Variants in FKBP5 observed in about 807,000 individuals in gnomAD.
FKBP5 encodes FKBP prolyl isomerase 5.
Under a neutral mutation model 50.5 loss-of-function variants are expected in FKBP5, and 23 were observed. That is an observed-to-expected ratio of 0.46 (90% confidence interval 0.33 to 0.65). The LOEUF is 0.65. Among genes scored for constraint, FKBP5 ranks in the 30% least tolerant of loss-of-function variants. The probability of loss-of-function intolerance (pLI) is 0.02; values close to 1 mark genes in which losing one functional copy is unlikely to be tolerated. For synonymous variants in FKBP5, 176 were observed against 190.6 expected (o/e 0.92, Z 0.63); for missense variants, 411 against 553.1 (o/e 0.74, Z 2.58).
intron 2 of FKBP5, among the ~76,000 whole-genome samples, chr6:35,705,898 C>A (rs1766304623): frequency 6.6e-6 from 1 of 152,014 alleles, no homozygotes; most frequent in Non-Finnish European, 1.5e-5. Context: ...TCACTTGAGG[C>A]CAGGAGTTAG....
At chr6:35,616,097 A>G (rs945384533) in intron 5 of FKBP5, among the ~76,000 whole-genome samples, 7 of 152,080 alleles carry the variant, frequency 4.6e-5, no homozygotes, top group African/African-American at 1.7e-4. Context: ...TGTATCACCC[A>G]AGGTCAGGAG....
intron 5 of FKBP5, among the ~76,000 whole-genome samples, chr6:35,606,919 A>AT (rs1349271759): frequency 5.9e-5 from 9 of 152,226 alleles, no homozygotes; most frequent in African/African-American, 2.2e-4. Flanking sequence ...TTACACTGAC[A>AT]TGTTTACTGC....
chr6:35,683,691 C>G (rs1765745142), intron 1 of FKBP5, among the ~76,000 whole-genome samples: 1 of 136,506 alleles, frequency 7.3e-6, no homozygotes, highest in Non-Finnish European at 1.5e-5. Flanking sequence ...GTTGGCCAGG[C>G]TGGTCTCCAA....
intron 1 of FKBP5, among the ~76,000 whole-genome samples, chr6:35,649,027 G>A (rs1437943454): frequency 2.6e-5 from 4 of 152,028 alleles, no homozygotes; most frequent in East Asian, 1.9e-4. Context: ...CAAGGCAGAC[G>A]GATCACAAAG....
chr6:35,578,250 A>C (rs1187344059), intron 9 of FKBP5, among the ~76,000 whole-genome samples: 1 of 152,048 alleles, frequency 6.6e-6, no homozygotes, highest in Non-Finnish European at 1.5e-5. Flanking sequence ...CAGTGGCTCA[A>C]TCACAGCTCA....
At chr6:35,583,289 T>C in intron 8 of FKBP5, 1 of 985,344 alleles carries the variant, frequency 1.0e-6, no homozygotes, top group Non-Finnish European at 1.2e-6. Flanking sequence ...CCTAATATAT[T>C]GTATAGGGAA....
At chr6:35,695,506 T>A (rs974179150) in intron 2 of FKBP5, among the ~76,000 whole-genome samples, 11 of 152,212 alleles carry the variant, frequency 7.2e-5, no homozygotes, top group African/African-American at 2.6e-4. Context: ...GGAGGTTCTA[T>A]CCAGGGCAAT....
chr6:35,664,711 C>T (rs1765167227), intron 1 of FKBP5: 1 of 154,170 alleles, frequency 6.5e-6, no homozygotes, highest in South Asian at 2.0e-4. Flanking sequence ...TACCAGAACT[C>T]ATCCACTCTT....
intron 5 of FKBP5, 57 bp downstream of exon 5, chr6:35,619,039 C>T (rs973837911): frequency 1.4e-5 from 16 of 1,121,964 alleles, no homozygotes; most frequent in Non-Finnish European, 1.9e-5. Context: ...GTCTCCATTT[C>T]GTCCACATAA....
In FKBP5 at chr6:35,574,507, C is replaced by T. The variant is rs866356905; in HGVS notation, c.*1328G>A. ...TACATGTACACATTTAAGACTTGCC[C>T]TAGTTCAATGGTCAGCTCAAGTACT... On this transcript the variant is annotated 3_prime_UTR_variant, in exon 11 of 11. Coordinates refer to ENST00000357266, the MANE Select transcript of FKBP5 (RefSeq NM_004117.4). 1 of 152,162 alleles carries T rather than the reference C, an allele frequency of 6.6e-6. No homozygotes were observed. The highest frequency in any genetic ancestry group is 6.5e-5 in the Admixed American group (1 of 15,270). The allele number at this position is 152,162 out of a possible 1,614,324, so 9.4% of individuals were successfully genotyped here. A position where few individuals can be genotyped will look rare whatever the true frequency, so the allele number is the denominator to read the frequency against.
At chr6:35,584,034 A>G (rs1762526808) in intron 8 of FKBP5, 1 of 985,436 alleles carries the variant, frequency 1.0e-6, no homozygotes, top group Non-Finnish European at 1.2e-6. Context: ...CAGTGTTCTT[A>G]GCCTTCTTGC....
chr6:35,691,116 G>C (rs1765979772), upstream of FKBP5, among the ~76,000 whole-genome samples: 1 of 152,132 alleles, frequency 6.6e-6, no homozygotes, highest in South Asian at 2.1e-4. Flanking sequence ...GCTTCATTAG[G>C]AGACAGTGAC....
At chr6:35,623,867 C>A (rs766711746) in intron 3 of FKBP5, among the ~76,000 whole-genome samples, 6 of 151,896 alleles carry the variant, frequency 4.0e-5, no homozygotes, top group South Asian at 2.1e-4. Flanking sequence ...CAGGTGAATA[C>A]CACCATGATT....
chr6:35,688,753 C>A (rs1056616403), intron 1 of FKBP5, 51 bp downstream of exon 1: 1 of 150,606 alleles, frequency 6.6e-6, no homozygotes, highest in Non-Finnish European at 1.5e-5. Flanking sequence ...GCGTTCGGCT[C>A]CCGGGGCGCC....
At chr6:35,640,599 C>T (rs555868752) in intron 2 of FKBP5, among the ~76,000 whole-genome samples, 1 of 152,228 alleles carries the variant, frequency 6.6e-6, no homozygotes, top group African/African-American at 2.4e-5. Context: ...ATAAATCAAT[C>T]TTAGCTTACT....
chr6:35,598,601 T>G (rs1020327538), intron 5 of FKBP5, among the ~76,000 whole-genome samples: 1 of 152,200 alleles, frequency 6.6e-6, no homozygotes, highest in Non-Finnish European at 1.5e-5. Flanking sequence ...CTATTTTAAG[T>G]TTTTGATGTA....
intron 8 of FKBP5, chr6:35,580,688 C>T (rs1224640394): frequency 4.3e-5 from 9 of 207,250 alleles, no homozygotes; most frequent in Admixed American, 6.5e-5. Context: ...TACAGGTGGC[C>T]GCCACCAAGC....
intron 5 of FKBP5, among the ~76,000 whole-genome samples, chr6:35,613,505 C>T (rs530756329): frequency 3.3e-5 from 5 of 152,154 alleles, no homozygotes; most frequent in Non-Finnish European, 4.4e-5. Flanking sequence ...CGTGAGCCAC[C>T]GCACCTGGCC....
chr6:35,607,808 C>G (rs530864950), intron 5 of FKBP5: 7 of 225,318 alleles, frequency 3.1e-5, no homozygotes, highest in Admixed American at 2.1e-4. Flanking sequence ...CATGGAGTTA[C>G]TGAAGGTCTC....
Sources: allele counts gnomAD v4.1 joint callset (sites outside exome capture counted in the v4.1 genomes callset), GRCh38; gene constraint gnomAD v4.1.1; transcripts MANE v1.5; gene names NCBI Gene and HGNC (gene_info 2026-07-23, HGNC 2026-07-21).